GSE1: variants seen among roughly 807,000 people sequenced by gnomAD.
The protein encoded by GSE1 is Gse1 coiled-coil protein, also known as genetic suppressor element 1.
In GSE1, 32 loss-of-function variants were observed where a neutral mutation model predicts 112.6. The observed-to-expected ratio is 0.28, with a 90% CI of 0.21 to 0.38. The LOEUF is 0.38. Ranked by LOEUF, GSE1 falls within the 10% of genes least tolerant of loss-of-function variation. GSE1 has a pLI of 1.00. For synonymous variants in GSE1, 1,115 were observed against 735.6 expected (o/e 1.52, Z -8.35); for missense variants, 2,348 against 1,699.2 (o/e 1.38, Z -6.71).
At chr16:85,452,278 A>C (rs182585915) in intron 2 of GSE1, among the ~76,000 whole-genome samples, 5 of 152,108 alleles carry the variant, frequency 3.3e-5, no homozygotes, top group East Asian at 3.9e-4. Context: ...CAGCGCGGTT[A>C]TTTATTTATT....
intron 3 of GSE1, among the ~76,000 whole-genome samples, chr16:85,653,197 T>TCCG (rs2051532408): frequency 2.3e-3 from 4 of 1,740 alleles, no homozygotes; most frequent in African/African-American, 4.9e-3. Context: ...GCCCCCCTCC[T>TCCG]CCCCCCTCCT....
chr16:85,551,585 CTTTCTGTT>C (rs922179369), upstream of GSE1, among the ~76,000 whole-genome samples: 57 of 152,200 alleles, frequency 3.7e-4, 3 homozygotes, highest in Non-Finnish European at 1.5e-5. Flanking sequence ...GGTGGGGTTG[CTTTCTGTT>C]TCTCAGCTGT....
rs924664700 is a variant in GSE1 at position 85,674,336 on chromosome 16, G to C, written c.*1797G>C. On this transcript the variant is annotated 3_prime_UTR_variant, in exon 16 of 16. Transcript: ENST00000253458. ...CTTCCAGTTATTAGCAAACTCAGAC[G>C]AATGTACCGCCAGTATTATCAGCAG... The C allele has an allele frequency of 2.0e-5, 3 of 152,252 alleles. No homozygotes were observed. The highest frequency in any genetic ancestry group is 2.4e-5 in the African/African-American group (1 of 41,452). The allele number at this position is 152,252 out of a possible 1,614,324, so 9.4% of individuals were successfully genotyped here.
intron 2 of GSE1, among the ~76,000 whole-genome samples, chr16:85,384,109 A>C (rs75000022): frequency 4.6e-5 from 7 of 152,056 alleles, no homozygotes; most frequent in Non-Finnish European, 1.5e-5. Context: ...CGGCCTTGCT[A>C]TGCACAATCA....
At chr16:85,559,123 G>A (rs1316175782) in intron 1 of GSE1, among the ~76,000 whole-genome samples, 2 of 152,220 alleles carry the variant, frequency 1.3e-5, no homozygotes, top group East Asian at 3.8e-4. Flanking sequence ...CTCCCACCTT[G>A]GGCTGGGATT....
chr16:85,640,587 T>G (rs4843410), intron 2 of GSE1, among the ~76,000 whole-genome samples: 1 of 151,958 alleles, frequency 6.6e-6, no homozygotes, highest in Non-Finnish European at 1.5e-5. Flanking sequence ...CCTGAGTGAG[T>G]GGGGACTACG....
At chr16:85,527,043 G>A (rs1431981265) in intron 2 of GSE1, among the ~76,000 whole-genome samples, 1 of 152,212 alleles carries the variant, frequency 6.6e-6, no homozygotes, top group African/African-American at 2.4e-5. Flanking sequence ...TTGGGGAGGG[G>A]GTGGCCCTCT....
intron 2 of GSE1, among the ~76,000 whole-genome samples, chr16:85,411,165 T>C (rs62050367): frequency 2.1e-4 from 17 of 79,658 alleles, no homozygotes; most frequent in East Asian, 7.3e-4. Context: ...TAATCCTCAC[T>C]GTTACACTCA....
At chr16:85,633,032 G>A (rs116476047) in intron 1 of GSE1, among the ~76,000 whole-genome samples, 3,269 of 152,252 alleles carry the variant, frequency 0.021, 128 homozygotes, top group African/African-American at 0.076. Flanking sequence ...CGCCGCCGCT[G>A]TCACCACTGG....
At chr16:85,182,917 C>T (rs1291037129) in intron 1 of GSE1, among the ~76,000 whole-genome samples, 3 of 152,120 alleles carry the variant, frequency 2.0e-5, no homozygotes, top group African/African-American at 2.4e-5. Context: ...GCACCTTGCA[C>T]CTCCTTCTCC....
chr16:85,484,674 G>T (rs146284192), intron 2 of GSE1, among the ~76,000 whole-genome samples: 1 of 152,218 alleles, frequency 6.6e-6, no homozygotes, highest in African/African-American at 2.4e-5. Context: ...GGAAGTAGGC[G>T]CAGAGAAGCT....
intron 2 of GSE1, among the ~76,000 whole-genome samples, chr16:85,401,547 G>A (rs568305287): frequency 1.4e-4 from 21 of 152,314 alleles, no homozygotes; most frequent in African/African-American, 4.8e-4. Flanking sequence ...CAGAGGGCTT[G>A]GGAGGGCAGG....
intron 1 of GSE1, among the ~76,000 whole-genome samples, chr16:85,310,291 G>A (rs11863641): frequency 0.088 from 13,390 of 152,286 alleles, 1,348 homozygotes; most frequent in African/African-American, 0.24. Flanking sequence ...AATGGGAACA[G>A]TCGCTGTGGC....
intron 2 of GSE1, among the ~76,000 whole-genome samples, chr16:85,549,089 G>C (rs768216574): frequency 1.3e-5 from 2 of 151,860 alleles, no homozygotes; most frequent in Non-Finnish European, 2.9e-5. Flanking sequence ...GCCCGGCCTG[G>C]AGATTCTTAA....
At chr16:85,305,256 C>T (rs568656213) in intron 1 of GSE1, among the ~76,000 whole-genome samples, 7 of 152,350 alleles carry the variant, frequency 4.6e-5, no homozygotes, top group African/African-American at 1.7e-4. Flanking sequence ...GCTAGAATCT[C>T]TGACGATGGA....
At chr16:85,349,757 G>A (rs769958662) in intron 1 of GSE1, among the ~76,000 whole-genome samples, 1 of 152,148 alleles carries the variant, frequency 6.6e-6, no homozygotes, top group South Asian at 2.1e-4. Context: ...CCCCTCCTGC[G>A]GTTGTGTTCC....
chr16:85,613,341 C>A lies in GSE1; in HGVS notation c.-51C>A. On this transcript the variant is annotated 5_prime_UTR_variant, in exon 1 of 16. Transcript: ENST00000253458. The stretch of plus-strand genomic sequence containing the variant: ...ATAAGCAGTTTAGACAAACACTGGG[C>A]GACGGTGGCTCCAGCATGTATCAGC... 1.9e-6 allele frequency: 3 copies of A among 1,561,076 alleles called. No individual in the cohort carries two copies. Among genetic ancestry groups the A allele is most frequent in the Middle Eastern group, 1.7e-4 (1 of 5,996 alleles).
intron 2 of GSE1, among the ~76,000 whole-genome samples, chr16:85,474,251 C>T (rs2050382564): frequency 6.6e-6 from 1 of 152,032 alleles, no homozygotes; most frequent in South Asian, 2.1e-4. Context: ...GGAGAGCCGG[C>T]ATCTCAGTGC....
chr16:85,658,801 C>G (rs948078873), intron 8 of GSE1, among the ~76,000 whole-genome samples: 7 of 139,886 alleles, frequency 5.0e-5, no homozygotes, highest in African/African-American at 1.7e-4. Context: ...CTCCTGTAGG[C>G]ATCTTCTTCC....
Sources: allele counts gnomAD v4.1 joint callset (sites outside exome capture counted in the v4.1 genomes callset), GRCh38; gene constraint gnomAD v4.1.1; transcripts MANE v1.5; gene names NCBI Gene and HGNC (gene_info 2026-07-23, HGNC 2026-07-21).